Variants in DLGAP3 observed in about 807,000 individuals in gnomAD.
The protein encoded by DLGAP3 is DLG associated protein 3, also known as disks large-associated protein 3.
A neutral mutation model predicts 81.2 loss-of-function variants in DLGAP3; 17 were observed. That is an observed-to-expected ratio of 0.21 (90% CI 0.14 to 0.31). DLGAP3 has a LOEUF of 0.31. Among genes scored for constraint, DLGAP3 ranks in the 10% least tolerant of loss-of-function variants. The probability of loss-of-function intolerance (pLI) is 1.00; values close to 1 mark genes in which losing one functional copy is unlikely to be tolerated. For missense variants in DLGAP3, 1,124 were observed against 1,388.0 expected, an observed-to-expected ratio of 0.81 and a Z score of 3.02; for synonymous variants, 577 against 587.4, an observed-to-expected ratio of 0.98 and a Z score of 0.26.
rs764135834 is a variant in DLGAP3 at position 34,869,073 on chromosome 1, G to A, written c.2017C>T (p.Arg673Cys). Reference protein sequence around the residue: ...EEDKRRARFKRSNSVTAGVQA... With the variant: ...EEDKRRARFKCSNSVTAGVQA... ...ACGCCAGCCGTCACACTATTGGAGC[G>A]CTTGAACCTTGCTCGCCTGGGGAGA... The change falls in exon 9 of 12, where the codon CGC (arginine) becomes TGC (cysteine). Residue 673 changes from arginine to cysteine, a missense_variant. Physicochemically the swap from Arg to Cys is radical, Grantham distance 180. Around this residue, in one of 9 missense-constraint regions of DLGAP3, gnomAD observed 379 missense variants for 455.7 expected, o/e 0.83. Transcript: ENST00000373347. 7 of 1,594,250 alleles carry A rather than the reference G, an allele frequency of 4.4e-6. No individual in the cohort carries two copies. The highest frequency in any genetic ancestry group is 1.7e-5 in the Admixed American group (1 of 59,748).
Position 34,865,936 on chromosome 1 carries a change from G to A in DLGAP3, c.*147C>T, listed in dbSNP as rs1483022724. ...GGGATCAGGAAGGTAAAAAACCCAC[G>A]AGAGTGTGACGGGCCCGGGGGCCGG... On this transcript the variant is annotated 3_prime_UTR_variant, in exon 12 of 12. Coordinates refer to ENST00000373347, the MANE Select transcript of DLGAP3 (RefSeq NM_001080418.3). 1 of 754,554 alleles carries A rather than the reference G, an allele frequency of 1.3e-6. No individual in the cohort carries two copies. The highest frequency in any genetic ancestry group is 2.8e-5 in the East Asian group (1 of 36,088). The allele number at this position is 754,554 out of a possible 1,614,324, so 46.7% of individuals were successfully genotyped here.
chr1:34,915,187 C>A (rs531963718), intron 1 of DLGAP3, among the ~76,000 whole-genome samples: 89 of 152,330 alleles, frequency 5.8e-4, no homozygotes, highest in Non-Finnish European at 9.1e-4. Context: ...GTTTTCTCAT[C>A]TGTAAAATGG....
In DLGAP3 at chr1:34,900,506, T is replaced by G. The variant is rs957897381; in HGVS notation, c.1108-233A>C. Among the ~76,000 whole-genome samples, 6 of 152,168 alleles carry G rather than the reference T, an allele frequency of 3.9e-5. No individual in the cohort carries two copies. The highest frequency in any genetic ancestry group is 3.3e-4 in the Admixed American group (5 of 15,280). ...TTAATTAAGGGCCACCTAGAGAGTC[T>G]GAGGGAGTGACATGGCAGGCGTCAA... On this transcript the variant is annotated intron_variant, in intron 3 of 11. Coordinates refer to ENST00000373347, the MANE Select transcript of DLGAP3 (RefSeq NM_001080418.3). The surrounding 1 kb of genome is among the most constrained non-coding windows in gnomAD (Gnocchi z 5.6).
intron 8 of DLGAP3, among the ~76,000 whole-genome samples, chr1:34,881,133 AC>A (rs1639137894): frequency 6.6e-6 from 1 of 152,250 alleles, no homozygotes; most frequent in African/African-American, 2.4e-5. Flanking sequence ...ATGATATATC[AC>A]TTATGATACA....
At chr1:34,928,026 T>C (rs1639899772) in intron 1 of DLGAP3, among the ~76,000 whole-genome samples, 1 of 152,234 alleles carries the variant, frequency 6.6e-6, no homozygotes, top group South Asian at 2.1e-4. Context: ...AACAGTTGAA[T>C]ATTGCAGTTG....
chr1:34,921,098 T>C (rs1257403618), intron 1 of DLGAP3, among the ~76,000 whole-genome samples: 1 of 152,156 alleles, frequency 6.6e-6, no homozygotes, highest in Non-Finnish European at 1.5e-5. Context: ...ACTGTGCTTT[T>C]TATGAAACAG....
At chr1:34,921,100 A>G (rs1478446326) in intron 1 of DLGAP3, among the ~76,000 whole-genome samples, 1 of 152,188 alleles carries the variant, frequency 6.6e-6, no homozygotes, top group Non-Finnish European at 1.5e-5. Flanking sequence ...TGTGCTTTTT[A>G]TGAAACAGAA....
At chr1:34,909,762 G>C (rs2148415098) in intron 1 of DLGAP3, among the ~76,000 whole-genome samples, 1 of 152,184 alleles carries the variant, frequency 6.6e-6, no homozygotes, top group African/African-American at 2.4e-5. Flanking sequence ...ATCAATGGGA[G>C]GGAAAAACAA....
intron 5 of DLGAP3, among the ~76,000 whole-genome samples, chr1:34,893,868 C>T (rs60126536): frequency 0.069 from 10,529 of 152,146 alleles, 387 homozygotes; most frequent in Middle Eastern, 0.13. Flanking sequence ...AATAATATGA[C>T]AGTCCAACCA....
At position 34,904,464 on chromosome 1, in the gene DLGAP3, C is replaced by T; in HGVS notation, c.920G>A (p.Gly307Glu). 1 of 1,614,186 alleles carries T rather than the reference C, an allele frequency of 6.2e-7. No individual in the cohort carries two copies. The highest frequency in any genetic ancestry group is 8.5e-7 in the Non-Finnish European group (1 of 1,180,030). ...GCAGGCAAGGCAGCGGCCTTCCGAC[C>T]CGCCCGAGCGCCCCTTGAAGCTCAA... is the stretch of plus-strand genomic sequence containing the variant. ...RDLSFKGRSG[G>E]SEGRCLACTG... Residue 307 changes from glycine to glutamate, a missense_variant, in exon 3 of 12, where the codon GGG becomes GAG. By Grantham distance (98) the Gly-to-Glu change is moderately conservative. Coordinates refer to ENST00000373347, the MANE Select transcript of DLGAP3 (RefSeq NM_001080418.3). This position sits in a 1 kb window ranked among gnomAD's most constrained non-coding sequence, Gnocchi z 8.1.
rs749763087 is a variant in DLGAP3 at position 34,904,679 on chromosome 1, C to CTGG, written c.702_704dup (p.His234dup). The stretch of plus-strand genomic sequence containing the variant: ...TCTTGCTCCTCTTGCCGTGCCGGGA[C>CTGG]TGGTGGTGGTGGTGATGGTGGTGGT... On this transcript the variant is annotated inframe_insertion, in exon 3 of 12. Coordinates refer to ENST00000373347, the MANE Select transcript of DLGAP3 (RefSeq NM_001080418.3). The surrounding 1 kb of genome is among the most constrained non-coding windows in gnomAD (Gnocchi z 8.1). The CTGG allele has an allele frequency of 6.2e-7, 1 of 1,613,918 alleles. No homozygotes were observed. The highest frequency in any genetic ancestry group is 8.5e-7 in the Non-Finnish European group (1 of 1,180,038).
intron 1 of DLGAP3, among the ~76,000 whole-genome samples, chr1:34,914,044 G>A (rs1313128190): frequency 6.6e-6 from 1 of 152,182 alleles, no homozygotes; most frequent in African/African-American, 2.4e-5. Flanking sequence ...GAGAAAGAAT[G>A]AGGCACAACT....
rs769739323 is a variant in DLGAP3 at position 34,866,055 on chromosome 1, C to T, written c.*28G>A. 2.5e-6 allele frequency: 4 copies of T among 1,574,762 alleles called. No homozygotes were observed. The highest frequency in any genetic ancestry group is 3.4e-5 in the Admixed American group (2 of 58,048). Reference sequence around the variant, plus strand: ...ACAGTACGGGTGGAGAACCGCGGGCCCGGGCCGGGCTGGGCGGGCCGGACC... The same window carrying T: ...ACAGTACGGGTGGAGAACCGCGGGCTCGGGCCGGGCTGGGCGGGCCGGACC... On this transcript the variant is annotated 3_prime_UTR_variant, in exon 12 of 12. Transcript: ENST00000373347.
At position 34,879,926 on chromosome 1, in the gene DLGAP3, G is replaced by A. The variant is rs151333550; in HGVS notation, c.2000+5052C>T. 9.8e-3 allele frequency among the ~76,000 whole-genome samples: 1,489 copies of A among 152,126 alleles called. 30 individuals are homozygous for A. Among genetic ancestry groups the A allele is most frequent in the African/African-American group, 0.034 (1,401 of 41,496 alleles). ...AGAGGCATAAAGAAAGACAAACACAGCAGACAAAAGAAAATAACCAAAAGT... is the reference window on the plus strand; with the variant it reads ...AGAGGCATAAAGAAAGACAAACACAACAGACAAAAGAAAATAACCAAAAGT... On this transcript the variant is annotated intron_variant, in intron 8 of 11. Coordinates refer to ENST00000373347, the MANE Select transcript of DLGAP3 (RefSeq NM_001080418.3).
intron 1 of DLGAP3, among the ~76,000 whole-genome samples, chr1:34,917,690 C>T (rs1207961847): frequency 6.6e-6 from 1 of 152,202 alleles, no homozygotes; most frequent in East Asian, 1.9e-4. Context: ...TGCACAGATA[C>T]AAAACCTTAA....
intron 5 of DLGAP3, among the ~76,000 whole-genome samples, chr1:34,892,848 T>C (rs900923326): frequency 6.6e-6 from 1 of 152,102 alleles, no homozygotes; most frequent in African/African-American, 2.4e-5. Flanking sequence ...ATTCATCACA[T>C]AGAGGGAAAC....
chr1:34,874,110 G>A (rs758969558), intron 8 of DLGAP3, among the ~76,000 whole-genome samples: 42 of 152,044 alleles, frequency 2.8e-4, no homozygotes, highest in Admixed American at 1.6e-3. Context: ...CCTCCTTCCC[G>A]ATCACCAGAA....
rs1280096300 is a variant in DLGAP3, at chr1:34,900,232, C to G, written c.1149G>C (p.Lys383Asn). ...TCCTGCGGCAGGGGATCTCCCCATC[C>G]TTGCCACCGGTGGGGTAACCCCCCC... is the stretch of plus-strand genomic sequence containing the variant. The part of the protein sequence containing the change: ...DDWGGYPTGG[K>N]DGEIPCRRMR... The change falls in exon 4 of 12, where the codon AAG becomes AAC. Residue 383 changes from lysine (K) to asparagine (N), a missense_variant. By Grantham distance (94) the Lys-to-Asn change is moderately conservative (BLOSUM62 0). Coordinates refer to ENST00000373347, the MANE Select transcript of DLGAP3 (RefSeq NM_001080418.3). This position sits in a 1 kb window ranked among gnomAD's most constrained non-coding sequence, Gnocchi z 5.6. 1 of 1,614,010 alleles carries G rather than the reference C, an allele frequency of 6.2e-7. No individual in the cohort carries two copies. Among genetic ancestry groups the G allele is most frequent in the Non-Finnish European group, 8.5e-7 (1 of 1,180,048 alleles).
intron 8 of DLGAP3, among the ~76,000 whole-genome samples, chr1:34,878,837 G>A (rs545994487): frequency 3.9e-5 from 6 of 152,228 alleles, no homozygotes; most frequent in East Asian, 3.9e-4. Context: ...TTGGGAGGCC[G>A]AGGCGGGCGG....
Sources: allele counts gnomAD v4.1 joint callset (sites outside exome capture counted in the v4.1 genomes callset), GRCh38; gene constraint gnomAD v4.1.1; regional missense constraint gnomAD v4.1.1; non-coding constraint Gnocchi (gnomAD v3.1); transcripts MANE v1.5; gene names NCBI Gene and HGNC (gene_info 2026-07-23, HGNC 2026-07-21).